Variants in POM121C observed in about 807,000 individuals in gnomAD.
POM121C encodes the protein POM121 transmembrane nucleoporin C.
Under a neutral mutation model 66.4 loss-of-function variants are expected in POM121C, and 20 were observed. The ratio of observed to expected loss-of-function variants is 0.30; its 90% confidence interval spans 0.21 to 0.44. The LOEUF is 0.44. POM121C is among the 20% of genes least tolerant of loss of function. POM121C has a pLI of 1.00. For synonymous variants in POM121C, 286 were observed against 528.0 expected (o/e 0.54, Z 6.28); for missense variants, 580 against 1,225.7 (o/e 0.47, Z 7.87).
intron 1 of POM121C, among the ~76,000 whole-genome samples, chr7:75,483,793 C>T (rs2116561443): frequency 6.6e-6 from 1 of 151,996 alleles, no homozygotes; most frequent in South Asian, 2.1e-4. Context: ...TCTATTTCCA[C>T]ATTCCCATTT....
At position 75,486,011 on chromosome 7, in the gene POM121C, G is replaced by C; in HGVS notation, c.-605C>G. On this transcript the variant is annotated 5_prime_UTR_variant, in exon 1 of 15. Coordinates refer to ENST00000615331, the MANE Select transcript of POM121C (RefSeq NM_001099415.3). ...CCCGAGGGGCCCGGGCCGGGCCTAC[G>C]GGGCAAATCCAGGCGGGTGTCCTTC... 2.1e-6 allele frequency: 1 copy of C among 478,790 alleles called. No homozygotes were observed. Among genetic ancestry groups the C allele is most frequent in the South Asian group, 1.5e-5 (1 of 67,018 alleles). The allele number at this position is 478,790 out of a possible 1,614,324, so 29.7% of individuals were successfully genotyped here. A position where few individuals can be genotyped will look rare whatever the true frequency, so the allele number is the denominator to read the frequency against.
intron 2 of POM121C, 24 bp downstream of exon 2, chr7:75,475,038 A>G (rs1431806685): frequency 7.0e-7 from 1 of 1,424,334 alleles, no homozygotes; most frequent in Non-Finnish European, 9.9e-7. Flanking sequence ...AACTGAGAGC[A>G]TTCAGAAAGC....
In POM121C at chr7:75,422,165, G is replaced by C. The variant is rs781924937; in HGVS notation, c.2087C>G (p.Pro696Arg). Residue 696 changes from proline (P) to arginine (R), a missense_variant, in exon 13 of 15, where the codon CCA becomes CGA. Pro to Arg is a moderately radical substitution (Grantham distance 103). Coordinates refer to ENST00000615331, the MANE Select transcript of POM121C (RefSeq NM_001099415.3). ...CTGGGGGTTGGCTCCCGGATATGAT[G>C]GGAGCGGGGACTTGGCGCTTGAGCC... ...PFGSSAKSPL[P>R]SYPGANPQPA... The C allele has an allele frequency of 1.2e-5, 19 of 1,604,734 alleles. No homozygotes were observed. In the South Asian group the frequency reaches 2.0e-4, roughly 17 times the overall value.
Position 75,421,627 on chromosome 7 carries a change from T to C in POM121C, c.2625A>G (p.Thr875=). The part of the protein sequence containing the change: ...FSFGAGQSGS[T]ATSTPFTGGL... Reference sequence around the variant, plus strand: ...CCCCTGTGAAGGGGGTGGAGGTGGCTGTGCTCCCACTCTGTCCTGCTCCAA... The same window carrying C: ...CCCCTGTGAAGGGGGTGGAGGTGGCCGTGCTCCCACTCTGTCCTGCTCCAA... The change falls in exon 13 of 15, where the codon ACA becomes ACG. Residue 875 remains threonine (T), a synonymous_variant. Coordinates refer to ENST00000615331, the MANE Select transcript of POM121C (RefSeq NM_001099415.3). The C allele has an allele frequency of 1.2e-6, 2 of 1,613,590 alleles. No homozygotes were observed. The highest frequency in any genetic ancestry group is 1.1e-5 in the South Asian group (1 of 91,044).
At chr7:75,456,042 C>T (rs1361996748) in intron 3 of POM121C, among the ~76,000 whole-genome samples, 6 of 152,220 alleles carry the variant, frequency 3.9e-5, no homozygotes, top group African/African-American at 1.4e-4. Flanking sequence ...CAAGATTAGC[C>T]TGGGCAACAT....
chr7:75,453,275 TAA>T lies in POM121C; in HGVS notation c.-151-11630_-151-11629del, dbSNP rs587669014. 2.1e-3 allele frequency among the ~76,000 whole-genome samples: 238 copies of T among 114,664 alleles called. 1 individual carries two copies. Among genetic ancestry groups the T allele is most frequent in the East Asian group, 5.3e-3 (21 of 3,980 alleles). 75.2% of individuals were successfully genotyped at this position (114,664 alleles called of 152,430 possible). On this transcript the variant is annotated intron_variant, in intron 3 of 14. Transcript: ENST00000615331. ...GAGAGACCCTATCTCTACAAAAAGT[TAA>T]AAAAAAAAAAAAAAAAAGATACAGG...
intron 3 of POM121C, among the ~76,000 whole-genome samples, chr7:75,469,776 C>T (rs1448344559): frequency 6.6e-6 from 1 of 152,192 alleles, no homozygotes; most frequent in Non-Finnish European, 1.5e-5. Context: ...ACATGCCATG[C>T]ATACTCCTCT....
chr7:75,442,749 A>C, intron 3 of POM121C: 1 of 1,338,342 alleles, frequency 7.5e-7, no homozygotes. Context: ...GGAGACTTAA[A>C]TATCCCAGCG....
At chr7:75,443,402 A>T (rs1237688114) in intron 3 of POM121C, among the ~76,000 whole-genome samples, 1 of 152,228 alleles carries the variant, frequency 6.6e-6, no homozygotes, top group African/African-American at 2.4e-5. Context: ...CCACCCTATG[A>T]ACTGTATGGT....
At position 75,439,387 on chromosome 7, in the gene POM121C, AT is replaced by A. The variant is rs367658925; in HGVS notation, c.228-164del. ...AAATCCCTAAGTTTCTGAAAGGTAA[AT>A]TTTTTTTTTTCAGACAGAGTTTCAC... On this transcript the variant is annotated intron_variant, in intron 5 of 14. Transcript: ENST00000615331. Among the ~76,000 whole-genome samples, 847 of 150,196 alleles carry A rather than the reference AT, an allele frequency of 5.6e-3. 8 individuals carry two copies. The highest frequency in any genetic ancestry group is 0.019 in the African/African-American group (782 of 41,082).
At position 75,439,219 on chromosome 7, in the gene POM121C, T is replaced by C. The variant is rs1290351493; in HGVS notation, c.233A>G (p.His78Arg). ...LDGQENKRRR[H>R]DSSGSGHSAF... ...TGAATGTCCACTGCCACTGCTATCA[T>C]GGCGCCTGCGACAAATCAAAAAAGT... The change falls in exon 6 of 15, where the codon CAT becomes CGT. Residue 78 changes from histidine (H) to arginine (R), a missense_variant. Coordinates refer to ENST00000615331, the MANE Select transcript of POM121C (RefSeq NM_001099415.3). The C allele has an allele frequency of 8.1e-6, 13 of 1,614,134 alleles. No homozygotes were observed. The highest frequency in any genetic ancestry group is 1.7e-5 in the Admixed American group (1 of 60,008).
chr7:75,452,596 G>C (rs1353011034), intron 3 of POM121C, among the ~76,000 whole-genome samples: 1 of 152,076 alleles, frequency 6.6e-6, no homozygotes, highest in African/African-American at 2.4e-5. Flanking sequence ...AATGATCTTT[G>C]TTCGAGATCC....
At chr7:75,452,890 G>C (rs1167110301) in intron 3 of POM121C, among the ~76,000 whole-genome samples, 4 of 152,140 alleles carry the variant, frequency 2.6e-5, no homozygotes, top group African/African-American at 4.8e-5. Context: ...GGCAGAAACA[G>C]TCAGTTGCAT....
In POM121C at chr7:75,439,624, G is replaced by C. The variant is rs1156439624; in HGVS notation, c.228-400C>G. Among the ~76,000 whole-genome samples the C allele has an allele frequency of 2.0e-5, 3 of 152,176 alleles. No individual in the cohort carries two copies. In the South Asian group the frequency reaches 6.2e-4, roughly 32 times the overall value. On this transcript the variant is annotated intron_variant, in intron 5 of 14. Coordinates refer to ENST00000615331, the MANE Select transcript of POM121C (RefSeq NM_001099415.3). ...TGGTCTTGAGCTCCTGGGTTCCAGC[G>C]ATCCTCCCACCTTGGCCTGTCAAAG...
chr7:75,438,576 G>A (rs1467038130), intron 6 of POM121C, among the ~76,000 whole-genome samples: 6 of 152,208 alleles, frequency 3.9e-5, no homozygotes, highest in Admixed American at 6.5e-5. Context: ...TCGCAGTGCA[G>A]TACGCTGATC....
At chr7:75,479,204 C>A (rs2443459) in intron 1 of POM121C, among the ~76,000 whole-genome samples, 71 of 152,176 alleles carry the variant, frequency 4.7e-4, no homozygotes, top group Admixed American at 1.2e-3. Flanking sequence ...AGAAATGTTA[C>A]AGAAAGTCCT....
At chr7:75,448,154 T>C (rs1554475078) in intron 3 of POM121C, among the ~76,000 whole-genome samples, 2 of 151,896 alleles carry the variant, frequency 1.3e-5, no homozygotes, top group East Asian at 1.9e-4. Context: ...GGGGGTTTCC[T>C]TGAGCCTGGG....
chr7:75,437,539 G>T lies in POM121C; in HGVS notation c.456C>A (p.Tyr152Ter). The T allele has an allele frequency of 6.2e-7, 1 of 1,613,756 alleles. No individual in the cohort carries two copies. The highest frequency in any genetic ancestry group is 8.5e-7 in the Non-Finnish European group (1 of 1,179,764). Residue 152 changes from tyrosine (Y) to a stop codon, truncating the protein, a stop_gained, in exon 7 of 15, where the codon TAC becomes TAA. Transcript: ENST00000615331. LOFTEE classifies it high-confidence loss of function. ...SSSRNAITSSYSSTRGISQLW... is the reference protein window; with the variant it reads ...SSSRNAITSS ...CCTGTGAGATGCCTCGAGTGGAGCTGTAGGAACTGGTAATGGCATTGCGGC... is the reference window on the plus strand; with the variant it reads ...CCTGTGAGATGCCTCGAGTGGAGCTTTAGGAACTGGTAATGGCATTGCGGC...
chr7:75,424,402 C>T, intron 11 of POM121C, 124 bp downstream of exon 11: 3 of 1,409,516 alleles, frequency 2.1e-6, no homozygotes, highest in East Asian at 4.6e-5. Flanking sequence ...AGAAAGACCA[C>T]AAGAAAACAT....
Sources: gnomAD v4.1 joint callset for allele counts (sites outside exome capture counted in the v4.1 genomes callset) on GRCh38, gnomAD v4.1.1 for gene constraint, MANE v1.5 for transcripts, NCBI Gene and HGNC (gene_info 2026-07-23, HGNC 2026-07-21) for gene names.